Variants in PDE1C observed in about 807,000 individuals in gnomAD.
PDE1C encodes the protein phosphodiesterase 1C.
Under a neutral mutation model 93.1 loss-of-function variants are expected in PDE1C, and 62 were observed. The observed-to-expected ratio is 0.67, with a 90% confidence interval of 0.54 to 0.82. The LOEUF (loss-of-function observed/expected upper bound fraction) is 0.82. Ranked by LOEUF, PDE1C falls within the 40% of genes least tolerant of loss-of-function variation. The pLI, the probability that PDE1C is intolerant of heterozygous loss-of-function variation, is 0.00. For synonymous variants in PDE1C, 325 were observed against 310.1 expected, an observed-to-expected ratio of 1.05 and a Z score of -0.50; for missense variants, 742 against 884.6, an observed-to-expected ratio of 0.84 and a Z score of 2.04.
At chr7:32,399,330 G>A (rs987293396) in intron 1 of PDE1C, among the ~76,000 whole-genome samples, 1 of 152,188 alleles carries the variant, frequency 6.6e-6, no homozygotes, top group Admixed American at 6.5e-5. Context: ...GTAGGATCCT[G>A]TATTATTTTG....
intron 2 of PDE1C, among the ~76,000 whole-genome samples, chr7:31,903,722 T>A (rs968730310): frequency 3.9e-5 from 6 of 152,106 alleles, no homozygotes; most frequent in African/African-American, 1.2e-4. Flanking sequence ...ACTGATTCCT[T>A]AAGAGAGATT....
intron 3 of PDE1C, among the ~76,000 whole-genome samples, chr7:32,105,795 G>A (rs1457797713): frequency 6.6e-6 from 1 of 150,890 alleles, no homozygotes; most frequent in Non-Finnish European, 1.5e-5. Context: ...CAAAGTGCTG[G>A]GATTACAGGC....
intron 2 of PDE1C, among the ~76,000 whole-genome samples, chr7:31,911,329 G>A (rs971441398): frequency 2.0e-5 from 3 of 151,912 alleles, no homozygotes; most frequent in East Asian, 1.9e-4. Flanking sequence ...ATTGAGAGAG[G>A]CCTATATGAT....
chr7:31,753,564 T>C lies in PDE1C; in HGVS notation c.1961-11A>G, dbSNP rs1284802004. The C allele has an allele frequency of 2.5e-6, 4 of 1,606,286 alleles. No homozygotes were observed. In the African/African-American group the frequency reaches 5.4e-5, roughly 21 times the overall value. Reference sequence around the variant, plus strand: ...AAGGAGGCTTGATGACTGGCGGCCATGGAAAGGAAGACAGACAACGGTTAG... The same window carrying C: ...AAGGAGGCTTGATGACTGGCGGCCACGGAAAGGAAGACAGACAACGGTTAG... On this transcript the variant is annotated splice_polypyrimidine_tract_variant and intron_variant, in intron 17 of 17. Coordinates refer to ENST00000396191, the MANE Select transcript of PDE1C (RefSeq NM_001191057.4).
intron 1 of PDE1C, among the ~76,000 whole-genome samples, chr7:32,360,364 A>G (rs767653075): frequency 1.3e-5 from 2 of 152,244 alleles, no homozygotes; most frequent in African/African-American, 2.4e-5. Flanking sequence ...AGTGAGAGAT[A>G]TCCAGTGGTT....
chr7:31,760,842 C>T (rs1648521027), intron 17 of PDE1C, among the ~76,000 whole-genome samples: 1 of 151,470 alleles, frequency 6.6e-6, no homozygotes. Flanking sequence ...TCATTTATTG[C>T]CACTTAAATG....
intron 1 of PDE1C, among the ~76,000 whole-genome samples, chr7:32,268,269 G>T (rs1217578712): frequency 6.6e-6 from 1 of 152,132 alleles, no homozygotes; most frequent in Non-Finnish European, 1.5e-5. Context: ...GTGACTACAG[G>T]GGCAGGACTT....
At chr7:32,325,087 C>T (rs1406944832) in intron 1 of PDE1C, among the ~76,000 whole-genome samples, 1 of 152,314 alleles carries the variant, frequency 6.6e-6, no homozygotes, top group African/African-American at 2.4e-5. Context: ...AAGTAGAGCA[C>T]TAACAAATAA....
At chr7:32,413,421 A>G (rs77100373) in intron 1 of PDE1C, among the ~76,000 whole-genome samples, 2,266 of 152,324 alleles carry the variant, frequency 0.015, 43 homozygotes, top group African/African-American at 0.052. Flanking sequence ...AGCACATCCT[A>G]CCACACAGAT....
the PDE1C span, chr7:31,697,100 T>G: frequency 6.2e-7 from 1 of 1,614,028 alleles, no homozygotes; most frequent in Non-Finnish European, 8.5e-7. Context: ...GCCCTGCACA[T>G]GTCCCCCTTT....
chr7:32,301,170 C>G (rs750124941), upstream of PDE1C, among the ~76,000 whole-genome samples: 2 of 152,156 alleles, frequency 1.3e-5, no homozygotes, highest in African/African-American at 4.8e-5. Flanking sequence ...TAGTAACCAC[C>G]AAAGGTTTCT....
At chr7:32,364,789 G>T (rs2128086152) in intron 1 of PDE1C, among the ~76,000 whole-genome samples, 1 of 152,276 alleles carries the variant, frequency 6.6e-6, no homozygotes, top group Non-Finnish European at 1.5e-5. Context: ...TCCAGCACTG[G>T]GGCTTCATTG....
chr7:31,704,915 T>C, the PDE1C span, among the ~76,000 whole-genome samples: 1 of 152,158 alleles, frequency 6.6e-6, no homozygotes, highest in Non-Finnish European at 1.5e-5. Flanking sequence ...GCCATCTTCA[T>C]GTCACCAAGG....
At chr7:31,883,474 C>T (rs76515764) in intron 2 of PDE1C, among the ~76,000 whole-genome samples, 7,870 of 152,284 alleles carry the variant, frequency 0.052, 328 homozygotes, top group African/African-American at 0.12. Flanking sequence ...AATGAGCTGA[C>T]ACGTCTCCTT....
intron 2 of PDE1C, among the ~76,000 whole-genome samples, chr7:31,948,163 C>T (rs1399291380): frequency 6.6e-6 from 1 of 151,458 alleles, no homozygotes; most frequent in African/African-American, 2.4e-5. Flanking sequence ...AACAACTTGA[C>T]ATCTTTTCAA....
intron 2 of PDE1C, among the ~76,000 whole-genome samples, chr7:31,928,470 A>G (rs990575055): frequency 3.5e-5 from 5 of 143,218 alleles, no homozygotes; most frequent in African/African-American, 1.5e-4. Context: ...TAACCCCAAG[A>G]AACATAACCA....
At chr7:32,187,266 T>C (rs1361531813) in intron 2 of PDE1C, among the ~76,000 whole-genome samples, 1 of 152,092 alleles carries the variant, frequency 6.6e-6, no homozygotes. Flanking sequence ...GTAGCTGGGA[T>C]TACAGGTGTA....
chr7:32,376,024 G>T (rs115308897), intron 1 of PDE1C, among the ~76,000 whole-genome samples: 5,736 of 152,214 alleles, frequency 0.038, 286 homozygotes, highest in African/African-American at 0.11. Context: ...AAGGGTTGTG[G>T]CATGTGCCTC....
At chr7:32,375,265 A>T (rs1016736513) in intron 1 of PDE1C, among the ~76,000 whole-genome samples, 3 of 152,116 alleles carry the variant, frequency 2.0e-5, no homozygotes, top group Non-Finnish European at 4.4e-5. Flanking sequence ...TCCTCCATAT[A>T]CTGAACTCAG....
Sources: allele counts gnomAD v4.1 joint callset (sites outside exome capture counted in the v4.1 genomes callset), GRCh38; gene constraint gnomAD v4.1.1; transcripts MANE v1.5; gene names NCBI Gene and HGNC (gene_info 2026-07-23, HGNC 2026-07-21).